ERCC6: variants seen among roughly 807,000 people sequenced by gnomAD.
ERCC6 encodes ERCC excision repair 6, chromatin remodeling factor, also known as DNA excision repair protein ERCC-6.
ERCC6 carries 116 observed loss-of-function variants against 158.7 expected under a neutral mutation model. The ratio of observed to expected loss-of-function variants is 0.73; its 90% CI spans 0.63 to 0.85. The LOEUF (loss-of-function observed/expected upper bound fraction) is 0.85. ERCC6 is among the 40% of genes least tolerant of loss of function. The probability of loss-of-function intolerance (pLI) is 0.00; values close to 1 mark genes in which losing one functional copy is unlikely to be tolerated. For missense variants in ERCC6, 1,698 were observed against 1,799.4 expected, an observed-to-expected ratio of 0.94 and a Z score of 1.02; for synonymous variants, 678 against 659.3, an observed-to-expected ratio of 1.03 and a Z score of -0.43.
In ERCC6 at chr10:49,467,866, C is replaced by G. The variant is rs1030281961; in HGVS notation, c.3778+2316G>C. Among the ~76,000 whole-genome samples the G allele has an allele frequency of 6.6e-5, 10 of 152,242 alleles. No homozygotes were observed. The South Asian group carries it at 1.7e-3, about 25-fold the overall frequency. On this transcript the variant is annotated intron_variant, in intron 18 of 20. Transcript: ENST00000355832. ...TTACAGGCTGAGCCACCACACCCAGCCAGTAATTTTTTATTGGGTTCCAGA... is the reference window on the plus strand; with the variant it reads ...TTACAGGCTGAGCCACCACACCCAGGCAGTAATTTTTTATTGGGTTCCAGA...
At chr10:49,516,354 TTAAGTTTGC>T in intron 5 of ERCC6, 1 of 1,614,148 alleles carries the variant, frequency 6.2e-7, no homozygotes. Context: ...GCATCTCTCA[TTAAGTTTGC>T]TTATGAGAGG....
chr10:49,530,888 A>G, intron 2 of ERCC6, 48 bp from the exon 3 acceptor site: 2 of 1,602,738 alleles, frequency 1.2e-6, no homozygotes, highest in South Asian at 2.2e-5. Flanking sequence ...TAACATTTTT[A>G]TAGCATAATA....
intron 5 of ERCC6, among the ~76,000 whole-genome samples, chr10:49,519,838 C>G (rs1029644158): frequency 3.3e-5 from 5 of 152,214 alleles, no homozygotes; most frequent in African/African-American, 1.2e-4. Context: ...AAGCTCCCCT[C>G]AGAGTCAGCG....
In ERCC6 at chr10:49,456,719, C is replaced by A. The variant is rs899828180; in HGVS notation, c.*2096G>T. On this transcript the variant is annotated 3_prime_UTR_variant, in exon 21 of 21. Coordinates refer to ENST00000355832, the MANE Select transcript of ERCC6 (RefSeq NM_000124.4). ...ATGTTAAATACATTAAATCTATTTACACTGTACAAAGCTTTTAAAGTTCTA... is the reference window on the plus strand; with the variant it reads ...ATGTTAAATACATTAAATCTATTTAAACTGTACAAAGCTTTTAAAGTTCTA... The A allele has an allele frequency of 2.6e-5, 4 of 152,158 alleles. No homozygotes were observed. The highest frequency in any genetic ancestry group is 5.9e-5 in the Non-Finnish European group (4 of 68,040). 9.4% of individuals were successfully genotyped at this position (152,158 alleles called of 1,614,324 possible).
Position 49,470,900 on chromosome 10 carries a change from G to C in ERCC6, c.3071-11C>G. The C allele has an allele frequency of 6.2e-7, 1 of 1,613,560 alleles. No homozygotes were observed. Among genetic ancestry groups the C allele is most frequent in the Non-Finnish European group, 8.5e-7 (1 of 1,179,712 alleles). ...CATCTGATCCAGTTCCTGTAAAGAGGAAAAACACCACTAATACTATATTGT... is the reference window on the plus strand; with the variant it reads ...CATCTGATCCAGTTCCTGTAAAGAGCAAAAACACCACTAATACTATATTGT... On this transcript the variant is annotated splice_polypyrimidine_tract_variant and intron_variant, in intron 17 of 20. Transcript: ENST00000355832.
Position 49,470,340 on chromosome 10 carries a change from T to C in ERCC6, c.3620A>G (p.Lys1207Arg). The change falls in exon 18 of 21, where the codon AAG becomes AGG. Residue 1207 changes from lysine (K) to arginine (R), a missense_variant. Coordinates refer to ENST00000355832, the MANE Select transcript of ERCC6 (RefSeq NM_000124.4). ...EKHLRPKQKP[K>R]NSKHCRDAKF... ...GGCGTCTCTGCAATGCTTAGAGTTC[T>C]TAGGCTTTTGCTTTGGTCTCAGATG... The C allele has an allele frequency of 6.2e-7, 1 of 1,614,236 alleles. No homozygotes were observed. Among genetic ancestry groups the C allele is most frequent in the Non-Finnish European group, 8.5e-7 (1 of 1,180,018 alleles).
chr10:49,513,870 A>C (rs1323295151), intron 5 of ERCC6, among the ~76,000 whole-genome samples: 1 of 151,794 alleles, frequency 6.6e-6, no homozygotes, highest in Non-Finnish European at 1.5e-5. Flanking sequence ...TTTTTTTAAC[A>C]ATTAAAGCAG....
intron 14 of ERCC6, 49 bp from the exon 15 acceptor site, chr10:49,473,077 C>T: frequency 6.2e-7 from 1 of 1,613,248 alleles, no homozygotes. Flanking sequence ...AGACCAGTTA[C>T]AGTTCTCAGC....
chr10:49,473,991 A>ACCAG (rs1850829609), intron 13 of ERCC6, 36 bp downstream of exon 13: 2 of 1,576,200 alleles, frequency 1.3e-6, no homozygotes, highest in Non-Finnish European at 1.7e-6. Context: ...GTCATAAAGA[A>ACCAG]CCAGCCTGTT....
chr10:49,497,082 C>T (rs1292653808), intron 7 of ERCC6, among the ~76,000 whole-genome samples: 1 of 152,182 alleles, frequency 6.6e-6, no homozygotes, highest in East Asian at 1.9e-4. Flanking sequence ...AAGGGCCAGA[C>T]TACAAGAAGC....
chr10:49,441,275 C>G, the ERCC6 span, among the ~76,000 whole-genome samples: 1 of 152,178 alleles, frequency 6.6e-6, no homozygotes, highest in Admixed American at 6.5e-5. Context: ...GGCATTTTTA[C>G]TACTATTCTG....
rs1274332640 is a variant in ERCC6 at position 49,530,899 on chromosome 10, TA to T, written c.423-60del. Reference sequence around the variant, plus strand: ...CTGATAACATTTTTATAGCATAATATAAAGAGAAAAATGCTAAAAACATGTC... The same window carrying T: ...CTGATAACATTTTTATAGCATAATATAAGAGAAAAATGCTAAAAACATGTC... On this transcript the variant is annotated intron_variant, in intron 2 of 20. Transcript: ENST00000355832. 8.8e-6 allele frequency: 14 copies of T among 1,595,208 alleles called. No individual in the cohort carries two copies. In the African/African-American group the frequency reaches 1.6e-4, roughly 18 times the overall value.
At chr10:49,538,152 T>A (rs1837646397) in intron 1 of ERCC6, among the ~76,000 whole-genome samples, 1 of 152,226 alleles carries the variant, frequency 6.6e-6, no homozygotes. Flanking sequence ...CTTAATCATC[T>A]GGGACACTAG....
intron 7 of ERCC6, among the ~76,000 whole-genome samples, chr10:49,498,597 T>C (rs1851304648): frequency 1.3e-5 from 2 of 152,184 alleles, no homozygotes; most frequent in Non-Finnish European, 2.9e-5. Context: ...CAATACCATC[T>C]TAATAAAGAC....
intron 3 of ERCC6, among the ~76,000 whole-genome samples, chr10:49,530,157 G>C (rs1837435274): frequency 6.6e-6 from 1 of 152,084 alleles, no homozygotes; most frequent in Non-Finnish European, 1.5e-5. Flanking sequence ...GTGACCCTAA[G>C]CCAGGCCAAA....
intron 18 of ERCC6, among the ~76,000 whole-genome samples, chr10:49,462,352 C>T (rs909606101): frequency 2.6e-5 from 4 of 152,040 alleles, no homozygotes; most frequent in Non-Finnish European, 4.4e-5. Context: ...AAATCCACAC[C>T]TCATACTCCA....
intron 10 of ERCC6, among the ~76,000 whole-genome samples, chr10:49,480,671 C>A (rs1460575447): frequency 2.6e-5 from 4 of 152,212 alleles, no homozygotes; most frequent in African/African-American, 9.7e-5. Flanking sequence ...GAGTTTAGAT[C>A]TGGCCAACAC....
intron 18 of ERCC6, among the ~76,000 whole-genome samples, chr10:49,465,695 T>G (rs1396147473): frequency 2.0e-5 from 3 of 152,220 alleles, no homozygotes; most frequent in African/African-American, 7.2e-5. Flanking sequence ...ATATGAGATC[T>G]GATGGTTTTA....
At chr10:49,515,217 T>G (rs1836910266) in intron 5 of ERCC6, 2 of 1,327,722 alleles carry the variant, frequency 1.5e-6, no homozygotes, top group South Asian at 2.5e-5. Context: ...AAAAAAAAAT[T>G]TATTATGTTC....
Sources: gnomAD v4.1 joint callset for allele counts (sites outside exome capture counted in the v4.1 genomes callset) on GRCh38, gnomAD v4.1.1 for gene constraint, MANE v1.5 for transcripts, NCBI Gene and HGNC (gene_info 2026-07-23, HGNC 2026-07-21) for gene names.